Variants in DNAJC1 observed in about 807,000 individuals in gnomAD.
DNAJC1 encodes DnaJ heat shock protein family (Hsp40) member C1.
In DNAJC1, 58 loss-of-function variants were observed where a neutral mutation model predicts 76.6. The observed-to-expected ratio is 0.76, with a 90% CI of 0.61 to 0.94. The LOEUF is 0.94. Ranked by LOEUF, DNAJC1 falls within the 40% of genes least tolerant of loss-of-function variation. The probability of loss-of-function intolerance (pLI) is 0.00; values close to 1 mark genes in which losing one functional copy is unlikely to be tolerated. For synonymous variants in DNAJC1, 258 were observed against 267.9 expected, an observed-to-expected ratio of 0.96 and a Z score of 0.36; for missense variants, 689 against 677.3, an observed-to-expected ratio of 1.02 and a Z score of -0.19.
intron 8 of DNAJC1, among the ~76,000 whole-genome samples, chr10:21,813,456 CGCAATTTCA>C (rs1361718965): frequency 1.3e-4 from 19 of 150,126 alleles, no homozygotes; most frequent in African/African-American, 4.7e-4. Flanking sequence ...AGTGCAGTAG[CGCAATTTCA>C]GCTCACTGCA....
intron 8 of DNAJC1, among the ~76,000 whole-genome samples, chr10:21,875,995 TAG>T (rs1392729261): frequency 6.6e-6 from 1 of 151,964 alleles, no homozygotes; most frequent in Non-Finnish European, 1.5e-5. Flanking sequence ...TAAATATAAT[TAG>T]AAAGTGAAAT....
intron 8 of DNAJC1, among the ~76,000 whole-genome samples, chr10:21,868,185 C>A (rs1836040441): frequency 1.4e-5 from 2 of 142,528 alleles, no homozygotes; most frequent in Admixed American, 1.4e-4. Flanking sequence ...AGTGCAATGG[C>A]ATGATCTTGG....
chr10:21,848,476 T>C (rs1835695917), intron 8 of DNAJC1, among the ~76,000 whole-genome samples: 2 of 152,230 alleles, frequency 1.3e-5, no homozygotes, highest in African/African-American at 2.4e-5. Context: ...TGCTTTTGTA[T>C]TCTGTGCTTT....
intron 1 of DNAJC1, among the ~76,000 whole-genome samples, chr10:21,999,094 C>T (rs1455506789): frequency 1.3e-5 from 2 of 152,166 alleles, no homozygotes; most frequent in Non-Finnish European, 2.9e-5. Flanking sequence ...ACAGTCACTA[C>T]CATCTCTGCC....
intron 8 of DNAJC1, among the ~76,000 whole-genome samples, chr10:21,839,343 T>C (rs571407106): frequency 3.3e-5 from 5 of 152,266 alleles, no homozygotes; most frequent in East Asian, 3.9e-4. Context: ...GCAAAATTGA[T>C]AGACCACTAA....
In DNAJC1 at chr10:21,806,241, T is replaced by G. The variant is rs572181347; in HGVS notation, c.979-142A>C. 6.4e-4 allele frequency: 574 copies of G among 902,378 alleles called. 6 individuals carry two copies. The highest frequency in any genetic ancestry group is 5.3e-3 in the South Asian group (279 of 53,084). 55.9% of individuals were successfully genotyped at this position (902,378 alleles called of 1,614,324 possible). Reference sequence around the variant, plus strand: ...GCTTTCTGTAAAAAACAATACTAAATTGTATCTAATAGTTTCAATAAAGAT... The same window carrying G: ...GCTTTCTGTAAAAAACAATACTAAAGTGTATCTAATAGTTTCAATAAAGAT... On this transcript the variant is annotated intron_variant, in intron 8 of 11. Transcript: ENST00000376980.
intron 7 of DNAJC1, among the ~76,000 whole-genome samples, chr10:21,903,355 CCTA>C (rs1292144747): frequency 6.6e-6 from 1 of 152,204 alleles, no homozygotes; most frequent in African/African-American, 2.4e-5. Flanking sequence ...TTTGCACACT[CCTA>C]CTTTTTAACA....
chr10:21,790,705 G>A (rs148257132), intron 9 of DNAJC1, among the ~76,000 whole-genome samples: 3 of 151,870 alleles, frequency 2.0e-5, no homozygotes, highest in African/African-American at 7.2e-5. Context: ...ACACTCAAAA[G>A]TATAAAATTC....
At chr10:21,919,498 C>G (rs1401792733) in intron 5 of DNAJC1, among the ~76,000 whole-genome samples, 3 of 151,948 alleles carry the variant, frequency 2.0e-5, no homozygotes, top group Admixed American at 2.0e-4. Context: ...TACTGCATAT[C>G]ACTGCCTCTC....
chr10:21,957,281 A>C lies in DNAJC1; in HGVS notation c.223-28140T>G, dbSNP rs865791911. Among the ~76,000 whole-genome samples the C allele has an allele frequency of 2.2e-4, 33 of 152,258 alleles. No individual in the cohort carries two copies. In the South Asian group the frequency reaches 6.9e-3, roughly 32 times the overall value. On this transcript the variant is annotated intron_variant, in intron 1 of 11. Coordinates refer to ENST00000376980, the MANE Select transcript of DNAJC1 (RefSeq NM_022365.4). ...TTTCTGATTATTCAGAAACCCTTTA[A>C]AGAAAGCATGGAAGAATAAAGCCTC... is the stretch of plus-strand genomic sequence containing the variant.
intron 1 of DNAJC1, among the ~76,000 whole-genome samples, chr10:21,975,318 T>G: frequency 6.6e-6 from 1 of 151,404 alleles, no homozygotes; most frequent in East Asian, 1.9e-4. Flanking sequence ...TAAGCTGCAA[T>G]AAATAAATAA....
intron 1 of DNAJC1, among the ~76,000 whole-genome samples, chr10:21,986,419 C>G (rs932554719): frequency 1.3e-5 from 2 of 152,064 alleles, no homozygotes; most frequent in African/African-American, 4.8e-5. Context: ...TATTGAGTAC[C>G]TTTTCATGTG....
intron 8 of DNAJC1, among the ~76,000 whole-genome samples, chr10:21,843,138 C>T (rs759699953): frequency 3.3e-5 from 5 of 152,060 alleles, no homozygotes; most frequent in Admixed American, 3.3e-4. Flanking sequence ...AAAAATGTCT[C>T]ATGAATTGAA....
intron 9 of DNAJC1, among the ~76,000 whole-genome samples, chr10:21,805,053 G>C (rs1368509759): frequency 6.6e-6 from 1 of 151,966 alleles, no homozygotes; most frequent in Non-Finnish European, 1.5e-5. Context: ...GCTCCTTTTG[G>C]TAGCCATGTT....
chr10:21,874,638 A>T (rs1028958206), intron 8 of DNAJC1, among the ~76,000 whole-genome samples: 2 of 152,192 alleles, frequency 1.3e-5, no homozygotes, highest in African/African-American at 2.4e-5. Context: ...GAGATCAGAG[A>T]ATTGCTAACT....
intron 1 of DNAJC1, among the ~76,000 whole-genome samples, chr10:21,957,360 CCT>C (rs1837706490): frequency 6.6e-6 from 1 of 152,096 alleles, no homozygotes; most frequent in Non-Finnish European, 1.5e-5. Context: ...TAATTCTTTT[CCT>C]CTATTATCCT....
intron 9 of DNAJC1, among the ~76,000 whole-genome samples, chr10:21,805,439 G>GAC (rs10657199): frequency 0.48 from 67,959 of 142,636 alleles, 16,124 homozygotes; most frequent in East Asian, 0.77. Context: ...GTTACGTATG[G>GAC]ACACACACAC....
intron 7 of DNAJC1, among the ~76,000 whole-genome samples, chr10:21,903,279 G>A (rs1239946612): frequency 1.3e-5 from 2 of 151,988 alleles, no homozygotes; most frequent in African/African-American, 4.8e-5. Flanking sequence ...GTCTGAAAAG[G>A]CTTAGAAATT....
intron 3 of DNAJC1, 73 bp downstream of exon 3, chr10:21,928,433 G>A: frequency 7.8e-7 from 1 of 1,276,144 alleles, no homozygotes; most frequent in South Asian, 1.3e-5. Context: ...AAATGTTTAA[G>A]AAGACTTAAT....
Sources: allele counts gnomAD v4.1 joint callset (sites outside exome capture counted in the v4.1 genomes callset), GRCh38; gene constraint gnomAD v4.1.1; transcripts MANE v1.5; gene names NCBI Gene and HGNC (gene_info 2026-07-23, HGNC 2026-07-21).